PNPT1: variants seen among roughly 807,000 people sequenced by gnomAD.
PNPT1 encodes polyribonucleotide nucleotidyltransferase 1.
Under a neutral mutation model 119.5 loss-of-function variants are expected in PNPT1, and 53 were observed. The ratio of observed to expected loss-of-function variants is 0.44; its 90% CI spans 0.36 to 0.56. The LOEUF (loss-of-function observed/expected upper bound fraction) is 0.56. Among genes scored for constraint, PNPT1 ranks in the 20% least tolerant of loss-of-function variants. The pLI is 0.00. For missense variants in PNPT1, 948 were observed against 938.5 expected (o/e 1.01, Z -0.13); for synonymous variants, 357 against 322.1 (o/e 1.11, Z -1.16).
At chr2:55,686,970 T>G (rs1697425758) in intron 2 of PNPT1, among the ~76,000 whole-genome samples, 1 of 151,814 alleles carries the variant, frequency 6.6e-6, no homozygotes, top group Admixed American at 6.6e-5. Context: ...ATCCCAGCAC[T>G]TTGGGAGGCT....
rs1273427486 is a variant in PNPT1 at position 55,667,016 on chromosome 2, G to A, written c.1151C>T (p.Ala384Val). The A allele has an allele frequency of 6.3e-7, 1 of 1,597,402 alleles. No individual in the cohort carries two copies. ...VDMFKTLHGSALFQRGQTQVL... is the reference protein window; with the variant it reads ...VDMFKTLHGSVLFQRGQTQVL... ...CTGTGTTTGTCCTCTTTGAAATAAT[G>A]CTGATCCATGAAGGGTTTTAAACAT... The change falls in exon 13 of 28, where the codon GCA (alanine) becomes GTA (valine). Residue 384 changes from alanine to valine, a missense_variant. By Grantham distance (64) the Ala-to-Val change is moderately conservative (BLOSUM62 0). Transcript: ENST00000447944.
intron 1 of PNPT1, among the ~76,000 whole-genome samples, chr2:55,692,755 C>T (rs937090046): frequency 2.0e-5 from 3 of 152,160 alleles, no homozygotes; most frequent in African/African-American, 7.2e-5. Context: ...TTTTCCTTTT[C>T]CTCCTAACCC....
chr2:55,681,799 G>A (rs1366370584), intron 5 of PNPT1, among the ~76,000 whole-genome samples: 21 of 144,396 alleles, frequency 1.5e-4, no homozygotes, highest in Admixed American at 8.6e-4. Context: ...AGCTGAGATC[G>A]CGCCATTGGT....
At position 55,671,311 on chromosome 2, in the gene PNPT1, A is replaced by C. The variant is rs1696906319; in HGVS notation, c.976+8T>G. On this transcript the variant is annotated splice_region_variant and intron_variant, in intron 11 of 27. Coordinates refer to ENST00000447944, the MANE Select transcript of PNPT1 (RefSeq NM_033109.5). ...CAAAAAAATAAAATAAAATAAAATA[A>C]AATTTACCTTTTAGTTGTTCCTCCG... The C allele has an allele frequency of 3.4e-6, 5 of 1,451,984 alleles. No homozygotes were observed. Among genetic ancestry groups the C allele is most frequent in the Non-Finnish European group, 3.7e-6 (4 of 1,075,392 alleles). The allele number at this position is 1,451,984 out of a possible 1,614,324, so 89.9% of individuals were successfully genotyped here.
intron 14 of PNPT1, among the ~76,000 whole-genome samples, chr2:55,661,190 T>C (rs897435640): frequency 1.1e-4 from 17 of 149,660 alleles, no homozygotes; most frequent in African/African-American, 4.0e-4. Flanking sequence ...CCTCCTGGGT[T>C]CACGCCATTC....
At chr2:55,668,831 C>A (rs945685518) in intron 11 of PNPT1, among the ~76,000 whole-genome samples, 1 of 149,854 alleles carries the variant, frequency 6.7e-6, no homozygotes, top group African/African-American at 2.5e-5. Flanking sequence ...AACTCCTGAC[C>A]TCAGGTGATC....
At chr2:55,692,654 T>G (rs985569852) in intron 1 of PNPT1, among the ~76,000 whole-genome samples, 2 of 152,202 alleles carry the variant, frequency 1.3e-5, no homozygotes, top group Admixed American at 6.5e-5. Context: ...TGAGCCTCTG[T>G]AGTCTTAACT....
chr2:55,682,577 A>G (rs892239372), intron 5 of PNPT1, among the ~76,000 whole-genome samples: 1 of 152,208 alleles, frequency 6.6e-6, no homozygotes, highest in Non-Finnish European at 1.5e-5. Flanking sequence ...AACAAACTTT[A>G]TACTGCAATA....
At chr2:55,644,282 A>G (rs1695921704) in intron 23 of PNPT1, among the ~76,000 whole-genome samples, 1 of 152,214 alleles carries the variant, frequency 6.6e-6, no homozygotes, top group African/African-American at 2.4e-5. Context: ...TCTTTAAATA[A>G]AAGAGTTAAA....
At chr2:55,638,993 C>T (rs1559084615) in intron 26 of PNPT1, among the ~76,000 whole-genome samples, 3 of 152,214 alleles carry the variant, frequency 2.0e-5, no homozygotes, top group East Asian at 3.9e-4. Flanking sequence ...CCATGCTGGT[C>T]TCAAACTCCT....
intron 18 of PNPT1, among the ~76,000 whole-genome samples, chr2:55,653,164 T>C (rs1008411975): frequency 6.6e-6 from 1 of 152,186 alleles, no homozygotes; most frequent in Admixed American, 6.5e-5. Context: ...CTTTCTAAAC[T>C]ACTTATAAAC....
At position 55,687,766 on chromosome 2, in the gene PNPT1, G is replaced by C; in HGVS notation, c.162-61C>G. ...AGGTCATCTGTACAATTCCTGCTTA[G>C]TATAAAATAATAAAAGATTCTAAGG... is the stretch of plus-strand genomic sequence containing the variant. On this transcript the variant is annotated intron_variant, in intron 1 of 27. Coordinates refer to ENST00000447944, the MANE Select transcript of PNPT1 (RefSeq NM_033109.5). The C allele has an allele frequency of 2.3e-6, 3 of 1,291,612 alleles. No homozygotes were observed. The African/African-American group carries it at 4.5e-5, about 19-fold the overall frequency. 80.0% of individuals were successfully genotyped at this position (1,291,612 alleles called of 1,614,324 possible).
In PNPT1 at chr2:55,667,843, CAA is replaced by C; in HGVS notation, c.1073+17_1073+18del. 1 of 1,586,108 alleles carries C rather than the reference CAA, an allele frequency of 6.3e-7. No individual in the cohort carries two copies. The highest frequency in any genetic ancestry group is 1.2e-5 in the South Asian group (1 of 86,320). On this transcript the variant is annotated intron_variant, in intron 12 of 27. Coordinates refer to ENST00000447944, the MANE Select transcript of PNPT1 (RefSeq NM_033109.5). ...GAGACAGTGCATACTTCAATTTCAA[CAA>C]AAAAGGGTATGTTTACCTTTTGTAT...
intron 18 of PNPT1, among the ~76,000 whole-genome samples, chr2:55,652,144 T>G (rs1696231176): frequency 6.6e-6 from 1 of 152,006 alleles, no homozygotes; most frequent in South Asian, 2.1e-4. Context: ...CTTACACATA[T>G]TTGTATTATT....
chr2:55,689,811 C>T lies in PNPT1; in HGVS notation c.162-2106G>A, dbSNP rs1275298185. 2.6e-5 allele frequency among the ~76,000 whole-genome samples: 4 copies of T among 152,148 alleles called. No homozygotes were observed. In the East Asian group the frequency reaches 7.7e-4, roughly 29 times the overall value. ...ATATACTAATATCCATTGAACTGTA[C>T]ACTTTATTTATCTGTATTTACTTAT... is the stretch of plus-strand genomic sequence containing the variant. On this transcript the variant is annotated intron_variant, in intron 1 of 27. Transcript: ENST00000447944.
At chr2:55,683,164 A>T (rs1697299811) in intron 5 of PNPT1, among the ~76,000 whole-genome samples, 1 of 152,100 alleles carries the variant, frequency 6.6e-6, no homozygotes, top group Non-Finnish European at 1.5e-5. Flanking sequence ...TTTGGTCTCC[A>T]CTCACTGTAG....
rs147013543 is a variant in PNPT1, at chr2:55,667,942, G to C, written c.993C>G (p.Ala331=). Residue 331 remains alanine (A), a synonymous_variant, in exon 12 of 28, where the codon GCC becomes GCG. Coordinates refer to ENST00000447944, the MANE Select transcript of PNPT1 (RefSeq NM_033109.5). ...AGGATTCTATTATTTCATATGGATC[G>C]GCTTCTGGAAATTTTTCTATAGAAA... ...EEQLKEKFPE[A]DPYEIIESFN... is the part of the protein sequence containing the mutation. 3.2e-6 allele frequency: 5 copies of C among 1,576,416 alleles called. No homozygotes were observed. The African/African-American group carries it at 7.0e-5, about 22-fold the overall frequency.
chr2:55,646,892 G>A (rs1029530110), intron 19 of PNPT1, among the ~76,000 whole-genome samples: 2 of 152,148 alleles, frequency 1.3e-5, no homozygotes, highest in African/African-American at 4.8e-5. Flanking sequence ...AGGATGGAGT[G>A]CAGTGGCACG....
Position 55,687,585 on chromosome 2 carries a change from A to G in PNPT1, c.222+60T>C. 4.0e-6 allele frequency: 5 copies of G among 1,258,836 alleles called. No homozygotes were observed. In the South Asian group the frequency reaches 7.1e-5, roughly 18 times the overall value. 78.0% of individuals were successfully genotyped at this position (1,258,836 alleles called of 1,614,324 possible). ...TAGTTACACGATGTTGTAGTTACAC[A>G]TTTAGTATGAGTCTCCGTAACCATT... On this transcript the variant is annotated intron_variant, in intron 2 of 27. Transcript: ENST00000447944.
Sources: gnomAD v4.1 joint callset for allele counts (sites outside exome capture counted in the v4.1 genomes callset) on GRCh38, gnomAD v4.1.1 for gene constraint, MANE v1.5 for transcripts, NCBI Gene and HGNC (gene_info 2026-07-23, HGNC 2026-07-21) for gene names.